The following MYH9 variants were observed in gnomAD, a reference collection of about 807,000 sequenced individuals.
MYH9 encodes myosin-9.
MYH9 carries 29 observed loss-of-function variants against 241.9 expected under a neutral mutation model. That is an observed-to-expected ratio of 0.12 (90% CI 0.09 to 0.16). MYH9 has a LOEUF of 0.16. Ranked by LOEUF, MYH9 falls within the 10% of genes least tolerant of loss-of-function variation. The pLI, the probability that MYH9 is intolerant of heterozygous loss-of-function variation, is 1.00. For missense variants in MYH9, 1,803 were observed against 2,595.5 expected, an observed-to-expected ratio of 0.69 and a Z score of 6.63; for synonymous variants, 1,047 against 1,062.6, an observed-to-expected ratio of 0.99 and a Z score of 0.29.
chr22:36,366,693 CA>C lies in MYH9; in HGVS notation c.-19-17439del, dbSNP rs147206925. Among the ~76,000 whole-genome samples, 688 of 152,302 alleles carry C rather than the reference CA, an allele frequency of 4.5e-3. 8 individuals are homozygous for C. Among genetic ancestry groups the C allele is most frequent in the African/African-American group, 0.016 (657 of 41,552 alleles). ...GGTAACAAGAGATCAAGTCTGGCATCAGAAACATCACCCCTCCCATCTCCAG... is the reference window on the plus strand; with the variant it reads ...GGTAACAAGAGATCAAGTCTGGCATCGAAACATCACCCCTCCCATCTCCAG... On this transcript the variant is annotated intron_variant, in intron 1 of 40. Transcript: ENST00000216181.
chr22:36,310,570 A>G (rs2017045183), intron 14 of MYH9, among the ~76,000 whole-genome samples: 1 of 152,230 alleles, frequency 6.6e-6, no homozygotes, highest in African/African-American at 2.4e-5. Flanking sequence ...ACGCTGCTGC[A>G]TCCCAGGGGT....
At position 36,292,168 on chromosome 22, in the gene MYH9, T is replaced by A. The variant is rs757468108; in HGVS notation, c.4162A>T (p.Arg1388Trp). Residue 1388 changes from arginine (R) to tryptophan (W), a missense_variant, in exon 31 of 41, where the codon AGG (arginine) becomes TGG (tryptophan). By Grantham distance (101) the Arg-to-Trp change is moderately radical. This residue lies in a region of MYH9 where 876 missense variants were observed against 1,077.8 expected (regional missense o/e 0.81). Transcript: ENST00000216181. The stretch of plus-strand genomic sequence containing the variant: ...CCCTCCAGGTCCTTCTGGAGCTTCC[T>A]CTTCACCTCCTCAGCAGTTTCCAGG... ...GCLETAEEVK[R>W]KLQKDLEGLS... 1 of 1,614,172 alleles carries A rather than the reference T, an allele frequency of 6.2e-7. No homozygotes were observed. The highest frequency in any genetic ancestry group is 8.5e-7 in the Non-Finnish European group (1 of 1,180,038).
chr22:36,375,073 A>AT lies in MYH9; in HGVS notation c.-20+12733dup, dbSNP rs1569537136. The stretch of plus-strand genomic sequence containing the variant: ...GGGCCTATGTTTCTTTTCCCTCCAT[A>AT]TTCCTAGCACCCAGCCAGTGCCTTA... On this transcript the variant is annotated intron_variant, in intron 1 of 40. Coordinates refer to ENST00000216181, the MANE Select transcript of MYH9 (RefSeq NM_002473.6). 3.3e-5 allele frequency among the ~76,000 whole-genome samples: 5 copies of AT among 152,176 alleles called. No homozygotes were observed. In the East Asian group the frequency reaches 9.7e-4, roughly 29 times the overall value.
chr22:36,285,878 T>C lies in MYH9; in HGVS notation c.5137A>G (p.Ser1713Gly), dbSNP rs764139009. The change falls in exon 36 of 41, where the codon AGC becomes GGC. Residue 1713 changes from serine to glycine, a missense_variant. Coordinates refer to ENST00000216181, the MANE Select transcript of MYH9 (RefSeq NM_002473.6). This position sits in a 1 kb window ranked among gnomAD's most constrained non-coding sequence, Gnocchi z 7.0. ...RDELADEIAN[S>G]SGKGALALEE... ...CACTCAGCTCACCCTTTGCCGCTGC[T>C]GTTGGCGATCTCGTCAGCCAGCTCA... 3.7e-6 allele frequency: 6 copies of C among 1,613,386 alleles called. No homozygotes were observed. Among genetic ancestry groups the C allele is most frequent in the Middle Eastern group, 1.6e-4 (1 of 6,066 alleles).
chr22:36,342,627 C>T (rs1472569356), intron 2 of MYH9, among the ~76,000 whole-genome samples: 2 of 151,466 alleles, frequency 1.3e-5, no homozygotes, highest in African/African-American at 2.4e-5. Flanking sequence ...TCCCTTTCCC[C>T]CACCAAAAAA....
At position 36,282,474 on chromosome 22, in the gene MYH9, G is replaced by A. The variant is rs2016507305; in HGVS notation, c.*194C>T. 3 of 720,248 alleles carry A rather than the reference G, an allele frequency of 4.2e-6. No individual in the cohort carries two copies. Among genetic ancestry groups the A allele is most frequent in the Admixed American group, 1.8e-5 (1 of 55,888 alleles). The allele number at this position is 720,248 out of a possible 1,614,324, so 44.6% of individuals were successfully genotyped here. On this transcript the variant is annotated 3_prime_UTR_variant, in exon 41 of 41. Coordinates refer to ENST00000216181, the MANE Select transcript of MYH9 (RefSeq NM_002473.6). ...TTCTGAGCAGGGGAGGGAGCTGGAA[G>A]GGGATGCAGCAGAGGAAGCCAAATG...
intron 1 of MYH9, among the ~76,000 whole-genome samples, chr22:36,357,700 T>C (rs1253987224): frequency 6.6e-6 from 1 of 152,090 alleles, no homozygotes; most frequent in East Asian, 1.9e-4. Flanking sequence ...GGGCCAAATC[T>C]CCTTAACAAA....
intron 2 of MYH9, among the ~76,000 whole-genome samples, chr22:36,348,062 T>C (rs2017705747): frequency 7.1e-6 from 1 of 140,050 alleles, no homozygotes; most frequent in South Asian, 2.1e-4. Context: ...AAATAATAAA[T>C]AAATAAAATA....
chr22:36,316,708 AG>A, intron 11 of MYH9, 39 bp from the exon 12 acceptor site: 2 of 1,611,826 alleles, frequency 1.2e-6, no homozygotes, highest in Non-Finnish European at 1.7e-6. Context: ...TCAGATACAA[AG>A]GATCTGAAAA....
chr22:36,327,338 G>C, intron 4 of MYH9, 123 bp downstream of exon 4: 2 of 1,116,460 alleles, frequency 1.8e-6, no homozygotes, highest in Non-Finnish European at 2.7e-6. Flanking sequence ...GAGAAGTGGA[G>C]GAGGGGCCTT....
Position 36,330,373 on chromosome 22 carries a change from G to A in MYH9, c.491-2885C>T, listed in dbSNP as rs2017403290. Among the ~76,000 whole-genome samples the A allele has an allele frequency of 6.6e-6, 1 of 152,244 alleles. No individual in the cohort carries two copies. The highest frequency in any genetic ancestry group is 2.4e-5 in the African/African-American group (1 of 41,470). Reference sequence around the variant, plus strand: ...ACCACGAATCGTACCATGGCCCCATGCAACCGAAAAGGTCTTTCCAATGCT... The same window carrying A: ...ACCACGAATCGTACCATGGCCCCATACAACCGAAAAGGTCTTTCCAATGCT... On this transcript the variant is annotated intron_variant, in intron 3 of 40. Coordinates refer to ENST00000216181, the MANE Select transcript of MYH9 (RefSeq NM_002473.6). This position sits in a 1 kb window ranked among gnomAD's most constrained non-coding sequence, Gnocchi z 4.5.
chr22:36,311,581 C>G (rs1244041500), intron 14 of MYH9, among the ~76,000 whole-genome samples: 1 of 152,164 alleles, frequency 6.6e-6, no homozygotes, highest in African/African-American at 2.4e-5. Context: ...CTGATTCATG[C>G]CACATGTTGG....
chr22:36,353,260 A>C (rs1290391002), intron 1 of MYH9, among the ~76,000 whole-genome samples: 2 of 152,136 alleles, frequency 1.3e-5, no homozygotes, highest in African/African-American at 2.4e-5. Flanking sequence ...AAATTCAATA[A>C]GGGGCACGAC....
chr22:36,298,667 G>A (rs1176041764), intron 24 of MYH9, among the ~76,000 whole-genome samples: 1 of 152,106 alleles, frequency 6.6e-6, no homozygotes, highest in Non-Finnish European at 1.5e-5. Context: ...CTCTAAACAC[G>A]CTTCATGCAG....
At position 36,293,927 on chromosome 22, in the gene MYH9, T is replaced by G. The variant is rs1256874198; in HGVS notation, c.3838-64A>C. 1 of 1,504,040 alleles carries G rather than the reference T, an allele frequency of 6.6e-7. No homozygotes were observed. The highest frequency in any genetic ancestry group is 9.1e-7 in the Non-Finnish European group (1 of 1,094,618). 93.2% of individuals were successfully genotyped at this position (1,504,040 alleles called of 1,614,324 possible). On this transcript the variant is annotated intron_variant, in intron 28 of 40. Coordinates refer to ENST00000216181, the MANE Select transcript of MYH9 (RefSeq NM_002473.6). This position sits in a 1 kb window ranked among gnomAD's most constrained non-coding sequence, Gnocchi z 5.1. ...CCCCCACTGCTCCTGCCCCACCTCA[T>G]CTCCTTTAGGTAAAGCTGGACCTGA...
At position 36,295,464 on chromosome 22, in the gene MYH9, G is replaced by T. The variant is rs749838560; in HGVS notation, c.3485+41C>A. The stretch of plus-strand genomic sequence containing the variant: ...ATGTCTCCAAGCCAAGGCCCCCCTG[G>T]CTGCCCTCCCCATCCCGAGGGACTT... On this transcript the variant is annotated intron_variant, in intron 26 of 40. Coordinates refer to ENST00000216181, the MANE Select transcript of MYH9 (RefSeq NM_002473.6). The surrounding 1 kb of genome is among the most constrained non-coding windows in gnomAD (Gnocchi z 4.1). The T allele has an allele frequency of 2.6e-6, 4 of 1,566,018 alleles. No homozygotes were observed. The highest frequency in any genetic ancestry group is 4.5e-5 in the East Asian group (2 of 44,560).
intron 5 of MYH9, among the ~76,000 whole-genome samples, chr22:36,324,726 C>A (rs1211470583): frequency 2.6e-5 from 4 of 152,244 alleles, no homozygotes; most frequent in Non-Finnish European, 1.5e-5. Flanking sequence ...GGCCAATGGT[C>A]TTTCACGCTG....
intron 11 of MYH9, 100 bp downstream of exon 11, chr22:36,318,107 G>A: frequency 9.6e-7 from 1 of 1,037,094 alleles, no homozygotes; most frequent in Non-Finnish European, 1.5e-6. Context: ...GAAAGTGCCT[G>A]ACACGGACAC....
chr22:36,309,490 A>G (rs1358078351), intron 14 of MYH9, 94 bp from the exon 15 acceptor site: 10 of 899,758 alleles, frequency 1.1e-5, no homozygotes, highest in Non-Finnish European at 1.9e-5. Context: ...ATGCATGGAA[A>G]AGTCAGAAAA....
Sources: gnomAD v4.1 joint callset for allele counts (sites outside exome capture counted in the v4.1 genomes callset) on GRCh38, gnomAD v4.1.1 for gene constraint, gnomAD v4.1.1 regional missense constraint, Gnocchi (gnomAD v3.1) non-coding constraint, MANE v1.5 for transcripts, NCBI Gene and HGNC (gene_info 2026-07-23, HGNC 2026-07-21) for gene names.